Variants in RPN1 observed in about 807,000 individuals in gnomAD.
RPN1 encodes the protein dolichyl-diphosphooligosaccharide--protein glycosyltransferase subunit 1.
A neutral mutation model predicts 55.5 loss-of-function variants in RPN1; 12 were observed. The ratio of observed to expected loss-of-function variants is 0.22; its 90% CI spans 0.14 to 0.35. The LOEUF (loss-of-function observed/expected upper bound fraction) is 0.35. Ranked by LOEUF, RPN1 falls within the 10% of genes least tolerant of loss-of-function variation. The pLI, the probability that RPN1 is intolerant of heterozygous loss-of-function variation, is 1.00. For missense variants in RPN1, 679 were observed against 761.3 expected (o/e 0.89, Z 1.27); for synonymous variants, 317 against 305.9 (o/e 1.04, Z -0.38).
intron 9 of RPN1, among the ~76,000 whole-genome samples, chr3:128,621,410 G>T (rs1225953459): frequency 1.3e-5 from 2 of 152,142 alleles, no homozygotes; most frequent in Admixed American, 1.3e-4. Flanking sequence ...TGGAAGGATC[G>T]CTTGAGCCTG....
intron 8 of RPN1, among the ~76,000 whole-genome samples, chr3:128,624,605 C>G (rs991724365): frequency 6.6e-6 from 1 of 152,192 alleles, no homozygotes; most frequent in South Asian, 2.1e-4. Flanking sequence ...TCACAAACAT[C>G]AGCCCCTCCA....
chr3:128,650,532 A>G lies in RPN1; in HGVS notation c.261+8T>C. 6.5e-7 allele frequency: 1 copy of G among 1,533,924 alleles called. No individual in the cohort carries two copies. Among genetic ancestry groups the G allele is most frequent in the Non-Finnish European group, 8.8e-7 (1 of 1,141,452 alleles). On this transcript the variant is annotated splice_region_variant and intron_variant, in intron 1 of 9. Coordinates refer to ENST00000296255, the MANE Select transcript of RPN1 (RefSeq NM_002950.4). Reference sequence around the variant, plus strand: ...CGGGAGCGGCGGCGAGGGGTCGCCCACACTCACCTGCACGCCCAGGTGCGC... The same window carrying G: ...CGGGAGCGGCGGCGAGGGGTCGCCCGCACTCACCTGCACGCCCAGGTGCGC...
intron 5 of RPN1, among the ~76,000 whole-genome samples, chr3:128,627,423 G>A (rs1054207605): frequency 1.3e-5 from 2 of 152,182 alleles, no homozygotes; most frequent in African/African-American, 4.8e-5. Flanking sequence ...TAAAATAGCA[G>A]AGATCTGGGA....
chr3:128,644,734 G>A, intron 2 of RPN1, 185 bp downstream of exon 2: 1 of 652,450 alleles, frequency 1.5e-6, no homozygotes, highest in Non-Finnish European at 2.8e-6. Context: ...CAAGGTAGAA[G>A]GATGGCTTGA....
intron 5 of RPN1, 150 bp downstream of exon 5, chr3:128,629,801 T>C: frequency 3.5e-6 from 2 of 564,622 alleles, no homozygotes; most frequent in Non-Finnish European, 6.4e-6. Context: ...TACTAACTCG[T>C]ACCCACTTAT....
intron 3 of RPN1, among the ~76,000 whole-genome samples, chr3:128,635,649 A>C (rs1450457495): frequency 2.6e-4 from 7 of 27,290 alleles, no homozygotes; most frequent in Non-Finnish European, 5.3e-4. Flanking sequence ...AGATATATAT[A>C]TATATATATA....
intron 2 of RPN1, among the ~76,000 whole-genome samples, chr3:128,639,332 T>C (rs1280285100): frequency 1.3e-5 from 2 of 151,424 alleles, no homozygotes; most frequent in African/African-American, 2.4e-5. Flanking sequence ...CGGGCACCTG[T>C]AGTCCCAGCT....
chr3:128,622,653 G>C (rs1212549289), intron 8 of RPN1, among the ~76,000 whole-genome samples: 3 of 152,108 alleles, frequency 2.0e-5, no homozygotes, highest in African/African-American at 7.2e-5. Context: ...CCAGCACTTT[G>C]GGAGGCCAAG....
rs138475313 is a variant in RPN1 at position 128,644,001 on chromosome 3, A to G, written c.326+918T>C. Among the ~76,000 whole-genome samples the G allele has an allele frequency of 1.2e-4, 19 of 152,300 alleles. No individual in the cohort carries two copies. The East Asian group carries it at 3.3e-3, about 26-fold the overall frequency. ...GGTGCTGAGGTCTGAGCAAACAACTATGCAAGTTTAACCCCACCCAGCCTT... is the reference window on the plus strand; with the variant it reads ...GGTGCTGAGGTCTGAGCAAACAACTGTGCAAGTTTAACCCCACCCAGCCTT... On this transcript the variant is annotated intron_variant, in intron 2 of 9. Transcript: ENST00000296255.
intron 1 of RPN1, among the ~76,000 whole-genome samples, chr3:128,649,071 C>T (rs1387445549): frequency 6.6e-6 from 1 of 152,080 alleles, no homozygotes; most frequent in African/African-American, 2.4e-5. Flanking sequence ...AAGTATCTTA[C>T]CACAGAAACA....
intron 9 of RPN1, among the ~76,000 whole-genome samples, 194 bp from the exon 10 acceptor site, chr3:128,620,787 C>T (rs1250025080): frequency 1.3e-5 from 2 of 152,248 alleles, no homozygotes; most frequent in Non-Finnish European, 2.9e-5. Flanking sequence ...GCCAACTTCA[C>T]CACCCACAAG....
At chr3:128,638,777 C>T (rs1226497747) in intron 2 of RPN1, among the ~76,000 whole-genome samples, 1 of 152,014 alleles carries the variant, frequency 6.6e-6, no homozygotes, top group Non-Finnish European at 1.5e-5. Flanking sequence ...ACCAGCCTGG[C>T]CAACATGGCA....
intron 3 of RPN1, among the ~76,000 whole-genome samples, chr3:128,634,506 G>A (rs778127292): frequency 2.6e-5 from 4 of 151,188 alleles, no homozygotes; most frequent in East Asian, 1.9e-4. Context: ...CCATAGTGTC[G>A]ATAGTGGTTG....
At chr3:128,638,935 C>T (rs1468700401) in intron 2 of RPN1, among the ~76,000 whole-genome samples, 1 of 151,756 alleles carries the variant, frequency 6.6e-6, no homozygotes, top group Non-Finnish European at 1.5e-5. Flanking sequence ...CACTACACTC[C>T]AGCCTGGGTG....
chr3:128,626,184 C>T (rs2069598891), intron 6 of RPN1, among the ~76,000 whole-genome samples, 172 bp from the exon 7 acceptor site: 1 of 152,184 alleles, frequency 6.6e-6, no homozygotes, highest in South Asian at 2.1e-4. Context: ...GACAGGGGAG[C>T]CAGTGCCAGA....
intron 4 of RPN1, 124 bp from the exon 5 acceptor site, chr3:128,630,267 A>G (rs2069631941): frequency 1.8e-6 from 1 of 556,514 alleles, no homozygotes; most frequent in Non-Finnish European, 3.0e-6. Flanking sequence ...AATAGTCCCC[A>G]AACATAAACA....
At chr3:128,648,229 C>G (rs555971111) in intron 1 of RPN1, among the ~76,000 whole-genome samples, 1 of 151,700 alleles carries the variant, frequency 6.6e-6, no homozygotes, top group Non-Finnish European at 1.5e-5. Flanking sequence ...CCTGTCTCTA[C>G]AAAAAAAATA....
rs1051268336 is a variant in RPN1 at position 128,620,226 on chromosome 3, A to G, written c.*185T>C. ...GTTTTCTTTTTTTAAAAAAAAAAAA[A>G]AAGAAAGTTAAGGACAAACGGCAAA... On this transcript the variant is annotated 3_prime_UTR_variant, in exon 10 of 10. Coordinates refer to ENST00000296255, the MANE Select transcript of RPN1 (RefSeq NM_002950.4). 1 of 407,100 alleles carries G rather than the reference A, an allele frequency of 2.5e-6. No individual in the cohort carries two copies. Among genetic ancestry groups the G allele is most frequent in the African/African-American group, 2.0e-5 (1 of 48,846 alleles). 25.2% of individuals were successfully genotyped at this position (407,100 alleles called of 1,614,324 possible).
rs542450494 is a variant in RPN1, at chr3:128,620,198, A to T, written c.*213T>A. ...TTTTGTTTTTAATGGGAGTTTTTTT[A>T]AAGTTTTCTTTTTTTAAAAAAAAAA... On this transcript the variant is annotated 3_prime_UTR_variant, in exon 10 of 10. Coordinates refer to ENST00000296255, the MANE Select transcript of RPN1 (RefSeq NM_002950.4). The T allele has an allele frequency of 3.7e-4, 142 of 384,980 alleles. No homozygotes were observed. Among genetic ancestry groups the T allele is most frequent in the African/African-American group, 2.4e-3 (115 of 48,300 alleles). The allele number at this position is 384,980 out of a possible 1,614,324, so 23.8% of individuals were successfully genotyped here. A position where few individuals can be genotyped will look rare whatever the true frequency, so the allele number is the denominator to read the frequency against.
Sources: gnomAD v4.1 joint callset for allele counts (sites outside exome capture counted in the v4.1 genomes callset) on GRCh38, gnomAD v4.1.1 for gene constraint, MANE v1.5 for transcripts, NCBI Gene and HGNC (gene_info 2026-07-23, HGNC 2026-07-21) for gene names.